BSCL2: variants seen among roughly 807,000 people sequenced by gnomAD.
BSCL2 encodes the protein seipin.
BSCL2 carries 41 observed loss-of-function variants against 57.4 expected under a neutral mutation model. The observed-to-expected ratio is 0.71, with a 90% CI of 0.56 to 0.93. The LOEUF (loss-of-function observed/expected upper bound fraction) is 0.93, where lower values mean the gene tolerates loss of function less well. BSCL2 is among the 40% of genes least tolerant of loss of function. The pLI is 0.00. For missense variants in BSCL2, 539 were observed against 586.7 expected, an observed-to-expected ratio of 0.92 and a Z score of 0.84; for synonymous variants, 237 against 227.3, an observed-to-expected ratio of 1.04 and a Z score of -0.38.
chr11:62,698,294 G>A (rs139386964), intron 3 of BSCL2, among the ~76,000 whole-genome samples: 5 of 152,162 alleles, frequency 3.3e-5, no homozygotes, highest in Middle Eastern at 3.4e-3. Flanking sequence ...TGCCTCCTGG[G>A]TTCAAGCGAT....
Position 62,690,761 on chromosome 11 carries a change from G to A in BSCL2, c.1153+26C>T, listed in dbSNP as rs76184645. The A allele has an allele frequency of 6.8e-3, 10,959 of 1,613,710 alleles. 632 individuals are homozygous for A. The African/African-American group carries it at 0.13, about 19-fold the overall frequency. Reference sequence around the variant, plus strand: ...AGGAGAAAGCCAAGGAGTCAGGAAGGAGAGAGTGTGGTGGCTGCGCCATAC... The same window carrying A: ...AGGAGAAAGCCAAGGAGTCAGGAAGAAGAGAGTGTGGTGGCTGCGCCATAC... On this transcript the variant is annotated intron_variant, in intron 9 of 10. Transcript: ENST00000360796.
chr11:62,690,986 A>C, intron 8 of BSCL2, 89 bp downstream of exon 8: 1 of 1,576,982 alleles, frequency 6.3e-7, no homozygotes, highest in Non-Finnish European at 8.7e-7. Flanking sequence ...TGATACCCTA[A>C]GCCTCATACT....
chr11:62,707,575 C>T (rs1416485281), upstream of BSCL2: 4 of 581,650 alleles, frequency 6.9e-6, no homozygotes, highest in Admixed American at 6.0e-5. Flanking sequence ...GGGGGAGGGG[C>T]AGGCAGTGAA....
At chr11:62,692,912 C>T in intron 4 of BSCL2, 115 bp from the exon 5 acceptor site, 1 of 1,376,244 alleles carries the variant, frequency 7.3e-7, no homozygotes, top group Non-Finnish European at 1.0e-6. Flanking sequence ...CCTCAGGTCC[C>T]TGGCTGCCTC....
At chr11:62,709,120 G>A (rs2083590780), upstream of BSCL2, 2 of 479,922 alleles carry the variant, frequency 4.2e-6, no homozygotes, top group South Asian at 1.6e-5. Context: ...GGAGAGGGAT[G>A]GGCCAGGTTC....
At position 62,690,317 on chromosome 11, in the gene BSCL2, G is replaced by A. The variant is rs765167711; in HGVS notation, c.*50C>T. 10 of 1,612,212 alleles carry A rather than the reference G, an allele frequency of 6.2e-6. No homozygotes were observed. The highest frequency in any genetic ancestry group is 8.5e-6 in the Non-Finnish European group (10 of 1,179,268). ...GTTTATTGAAGGAAAAACGAGGGGA[G>A]AGGAGTCAGGTGGGAAAGTGCTGGA... is the stretch of plus-strand genomic sequence containing the variant. On this transcript the variant is annotated 3_prime_UTR_variant, in exon 11 of 11. Transcript: ENST00000360796.
upstream of BSCL2, chr11:62,707,957 G>A (rs1440395063): frequency 2.9e-6 from 1 of 339,246 alleles, no homozygotes; most frequent in Non-Finnish European, 5.6e-6. Context: ...GCTCACTGGA[G>A]CAGACAGGGG....
chr11:62,709,487 G>A (rs747451464), upstream of BSCL2: 6 of 453,952 alleles, frequency 1.3e-5, no homozygotes, highest in African/African-American at 2.0e-5. Flanking sequence ...GTGCGGGAGT[G>A]CAGTCGTACA....
intron 2 of BSCL2, among the ~76,000 whole-genome samples, chr11:62,703,262 A>G (rs886376925): frequency 1.3e-5 from 2 of 151,240 alleles, no homozygotes; most frequent in African/African-American, 4.9e-5. Context: ...ACAGATGGTT[A>G]TTAAGAAGCT....
At chr11:62,705,655 C>T in intron 1 of BSCL2, 38 bp from the exon 2 acceptor site, 1 of 1,466,276 alleles carries the variant, frequency 6.8e-7, no homozygotes, top group Non-Finnish European at 9.1e-7. Context: ...TGACTCCTTT[C>T]CCCAGGGAGG....
intron 2 of BSCL2, among the ~76,000 whole-genome samples, chr11:62,703,102 A>G (rs1017075377): frequency 4.6e-5 from 7 of 151,314 alleles, no homozygotes; most frequent in African/African-American, 1.7e-4. Flanking sequence ...GTGAGCCAAG[A>G]TCACGCCACT....
At chr11:62,702,398 C>A in intron 3 of BSCL2, 70 bp downstream of exon 3, 1 of 1,387,696 alleles carries the variant, frequency 7.2e-7, no homozygotes, top group Non-Finnish European at 1.0e-6. Context: ...TCTCTCTAGG[C>A]CTTTCTCAAG....
intron 3 of BSCL2, among the ~76,000 whole-genome samples, chr11:62,696,271 A>C (rs1454334104): frequency 1.4e-5 from 1 of 73,080 alleles, no homozygotes; most frequent in African/African-American, 3.8e-5. Context: ...GTTGCTTCAT[A>C]AACTTTTTGT....
upstream of BSCL2, chr11:62,709,122 G>A (rs541142405): frequency 1.2e-5 from 6 of 481,018 alleles, no homozygotes; most frequent in Admixed American, 7.1e-5. Flanking sequence ...AGAGGGATGG[G>A]CCAGGTTCTT....
At chr11:62,701,747 G>A (rs777366516) in intron 3 of BSCL2, among the ~76,000 whole-genome samples, 10 of 151,070 alleles carry the variant, frequency 6.6e-5, no homozygotes, top group Non-Finnish European at 1.2e-4. Flanking sequence ...CAGGAGAATC[G>A]CTTGAACCCA....
At chr11:62,706,684 G>T in intron 1 of BSCL2, 2 of 479,134 alleles carry the variant, frequency 4.2e-6, no homozygotes, top group East Asian at 1.4e-4. Flanking sequence ...GATTTTTATC[G>T]CCCACAGCTC....
chr11:62,707,052 C>T, intron 1 of BSCL2, 57 bp downstream of exon 1: 1 of 1,465,052 alleles, frequency 6.8e-7, no homozygotes, highest in Non-Finnish European at 9.4e-7. Context: ...GCCCCCTTCA[C>T]GCCAGCCCAC....
At chr11:62,692,542 C>T in intron 5 of BSCL2, 69 bp from the exon 6 acceptor site, 1 of 1,611,482 alleles carries the variant, frequency 6.2e-7, no homozygotes, top group South Asian at 1.1e-5. Flanking sequence ...CCCGCCTCAT[C>T]TGAGCCCCAC....
chr11:62,709,464 G>C (rs193181049), upstream of BSCL2: 285 of 453,940 alleles, frequency 6.3e-4, no homozygotes, highest in Middle Eastern at 9.0e-3. Context: ...GAAGAGGGGG[G>C]ATTTAGGGGA....
Sources: allele counts gnomAD v4.1 joint callset (sites outside exome capture counted in the v4.1 genomes callset), GRCh38; gene constraint gnomAD v4.1.1; transcripts MANE v1.5; gene names NCBI Gene and HGNC (gene_info 2026-07-23, HGNC 2026-07-21).